The following ZNF804B variants were observed in gnomAD, a reference collection of about 807,000 sequenced individuals.
The protein encoded by ZNF804B is zinc finger 804B.
In ZNF804B, 80 loss-of-function variants were observed where a neutral mutation model predicts 101.4. The ratio of observed to expected loss-of-function variants is 0.79; its 90% CI spans 0.66 to 0.95. The LOEUF (loss-of-function observed/expected upper bound fraction) is 0.95, where lower values mean the gene tolerates loss of function less well. Ranked by LOEUF, ZNF804B falls within the 40% of genes least tolerant of loss-of-function variation. The pLI is 0.00. For missense variants in ZNF804B, 1,673 were observed against 1,561.9 expected, an observed-to-expected ratio of 1.07 and a Z score of -1.20; for synonymous variants, 622 against 558.8, an observed-to-expected ratio of 1.11 and a Z score of -1.59.
At chr7:88,900,044 T>C (rs1313830040) in intron 1 of ZNF804B, among the ~76,000 whole-genome samples, 1 of 152,124 alleles carries the variant, frequency 6.6e-6, no homozygotes, top group Non-Finnish European at 1.5e-5. Flanking sequence ...GTAAACATGT[T>C]CTAAGGCTGT....
At chr7:88,937,552 A>T (rs552194033) in intron 1 of ZNF804B, among the ~76,000 whole-genome samples, 1 of 152,228 alleles carries the variant, frequency 6.6e-6, no homozygotes, top group African/African-American at 2.4e-5. Context: ...CATAGAACAC[A>T]GTAATCTACA....
At chr7:88,894,896 T>C (rs529640335) in intron 1 of ZNF804B, among the ~76,000 whole-genome samples, 2 of 152,224 alleles carry the variant, frequency 1.3e-5, no homozygotes, top group South Asian at 2.1e-4. Flanking sequence ...AGTTAAACTA[T>C]CCTGTATAAT....
Position 89,310,058 on chromosome 7 carries a change from T to G in ZNF804B, c.250-17286T>G, listed in dbSNP as rs1034806856. 5.6e-4 allele frequency among the ~76,000 whole-genome samples: 84 copies of G among 151,056 alleles called. 1 individual carries two copies. Among genetic ancestry groups the G allele is most frequent in the Non-Finnish European group, 1.5e-4 (10 of 67,828 alleles). On this transcript the variant is annotated intron_variant, in intron 2 of 3. Coordinates refer to ENST00000333190, the MANE Select transcript of ZNF804B (RefSeq NM_181646.5). ...TGTGAGAGTGGAAGTCTACTCAGGTTGACTTCCAAAGCTGTTGTTTTTAAG... is the reference window on the plus strand; with the variant it reads ...TGTGAGAGTGGAAGTCTACTCAGGTGGACTTCCAAAGCTGTTGTTTTTAAG...
At chr7:89,143,162 A>G (rs1404403782) in intron 1 of ZNF804B, among the ~76,000 whole-genome samples, 1 of 151,750 alleles carries the variant, frequency 6.6e-6, no homozygotes. Context: ...AGAAAAGCCA[A>G]GTTGGAGGGT....
At chr7:88,767,128 G>T (rs1789996208) in intron 1 of ZNF804B, among the ~76,000 whole-genome samples, 1 of 151,904 alleles carries the variant, frequency 6.6e-6, no homozygotes, top group South Asian at 2.1e-4. Context: ...ATAAATGTTG[G>T]CATATACTTC....
chr7:88,767,687 A>G (rs1314525521), intron 1 of ZNF804B, among the ~76,000 whole-genome samples: 1 of 152,220 alleles, frequency 6.6e-6, no homozygotes, highest in Non-Finnish European at 1.5e-5. Flanking sequence ...AAAAACGTTC[A>G]AAATCCTTGA....
At chr7:89,061,307 T>A (rs1445044058) in intron 1 of ZNF804B, among the ~76,000 whole-genome samples, 1 of 152,108 alleles carries the variant, frequency 6.6e-6, no homozygotes, top group Non-Finnish European at 1.5e-5. Context: ...ATTTTTGAAA[T>A]TTTGATCTTT....
chr7:89,159,508 G>C (rs1584023423), intron 1 of ZNF804B, among the ~76,000 whole-genome samples: 1 of 152,250 alleles, frequency 6.6e-6, no homozygotes, highest in East Asian at 1.9e-4. Context: ...AGAGAAGAGA[G>C]CAGGGAGAAT....
chr7:88,840,866 T>C (rs1238757731), intron 1 of ZNF804B, among the ~76,000 whole-genome samples: 1 of 152,102 alleles, frequency 6.6e-6, no homozygotes, highest in African/African-American at 2.4e-5. Context: ...GACTATAAAA[T>C]AAAATGACTT....
At chr7:89,099,503 A>C (rs914389415) in intron 1 of ZNF804B, among the ~76,000 whole-genome samples, 10 of 152,194 alleles carry the variant, frequency 6.6e-5, no homozygotes, top group African/African-American at 2.4e-4. Context: ...GTTCAGTGAA[A>C]GGAATATGAT....
intron 2 of ZNF804B, among the ~76,000 whole-genome samples, chr7:89,309,338 T>C (rs971006246): frequency 2.0e-5 from 3 of 152,242 alleles, no homozygotes; most frequent in Admixed American, 1.3e-4. Context: ...TTCATTTTTA[T>C]GGCTGTGTAG....
intron 1 of ZNF804B, among the ~76,000 whole-genome samples, chr7:89,193,281 T>TC (rs989623534): frequency 6.6e-6 from 1 of 151,154 alleles, no homozygotes; most frequent in African/African-American, 2.4e-5. Context: ...TCGTTTTTTT[T>TC]TTTTATAGTC....
At chr7:88,903,660 AG>A (rs1160220794) in intron 1 of ZNF804B, among the ~76,000 whole-genome samples, 5 of 152,118 alleles carry the variant, frequency 3.3e-5, no homozygotes, top group African/African-American at 7.2e-5. Flanking sequence ...GAGTAGTGTG[AG>A]ATGGTATCTC....
At chr7:88,818,694 C>G (rs1487200109) in intron 1 of ZNF804B, among the ~76,000 whole-genome samples, 2 of 152,142 alleles carry the variant, frequency 1.3e-5, no homozygotes, top group Non-Finnish European at 2.9e-5. Flanking sequence ...GACTTGTAGT[C>G]AGAAGCCCTG....
chr7:89,040,782 G>T (rs1185407028), intron 1 of ZNF804B, among the ~76,000 whole-genome samples: 2 of 152,196 alleles, frequency 1.3e-5, no homozygotes, highest in African/African-American at 4.8e-5. Context: ...TCCTTCATCA[G>T]TCAGCCTTTC....
intron 1 of ZNF804B, among the ~76,000 whole-genome samples, chr7:89,046,990 T>A (rs1437373621): frequency 6.6e-6 from 1 of 152,180 alleles, no homozygotes; most frequent in Non-Finnish European, 1.5e-5. Context: ...GACGTTTGCT[T>A]GCAATCATCT....
chr7:88,899,972 C>G (rs903365436), intron 1 of ZNF804B, among the ~76,000 whole-genome samples: 2 of 152,008 alleles, frequency 1.3e-5, no homozygotes, highest in Non-Finnish European at 2.9e-5. Context: ...TTTTACTTGA[C>G]AAAAGGTATT....
chr7:88,980,028 A>G lies in ZNF804B; in HGVS notation c.108+219944A>G, dbSNP rs1793673788. Among the ~76,000 whole-genome samples the G allele has an allele frequency of 2.0e-5, 3 of 150,824 alleles. No individual in the cohort carries two copies. The Admixed American group carries it at 2.0e-4, about 10-fold the overall frequency. On this transcript the variant is annotated intron_variant, in intron 1 of 3. Transcript: ENST00000333190. ...AACTCCTATGCATTCTTTAGTATAT[A>G]AGTTGGATTTTTCAGCTGCAGAATT...
At chr7:89,017,424 A>C (rs1054177589) in intron 1 of ZNF804B, among the ~76,000 whole-genome samples, 4 of 152,182 alleles carry the variant, frequency 2.6e-5, no homozygotes, top group African/African-American at 7.2e-5. Flanking sequence ...CAGTTTTCAA[A>C]GGGAATGCTT....
Sources: allele counts gnomAD v4.1 joint callset (sites outside exome capture counted in the v4.1 genomes callset), GRCh38; gene constraint gnomAD v4.1.1; transcripts MANE v1.5; gene names NCBI Gene and HGNC (gene_info 2026-07-23, HGNC 2026-07-21).